DSCAM: variants seen among roughly 807,000 people sequenced by gnomAD.
DSCAM encodes DS cell adhesion molecule, also known as cell adhesion molecule DSCAM.
Under a neutral mutation model 217.7 loss-of-function variants are expected in DSCAM, and 47 were observed. The observed-to-expected ratio is 0.22, with a 90% CI of 0.17 to 0.28. The LOEUF is 0.28. Among genes scored for constraint, DSCAM ranks in the 10% least tolerant of loss-of-function variants. The pLI is 1.00. For missense variants in DSCAM, 2,080 were observed against 2,618.3 expected, an observed-to-expected ratio of 0.79 and a Z score of 4.49; for synonymous variants, 1,056 against 1,015.3, an observed-to-expected ratio of 1.04 and a Z score of -0.76.
chr21:40,479,918 A>C (rs1396530370), intron 3 of DSCAM, among the ~76,000 whole-genome samples: 2 of 152,126 alleles, frequency 1.3e-5, no homozygotes, highest in Non-Finnish European at 2.9e-5. Context: ...GCATGTACGC[A>C]CACACAAACT....
rs531086926 is a variant in DSCAM at position 40,734,782 on chromosome 21, A to ATTACAACATTGT, written c.44-26012_44-26011insACAATGTTGTAA. Among the ~76,000 whole-genome samples the ATTACAACATTGT allele has an allele frequency of 7.9e-5, 12 of 152,288 alleles. No individual in the cohort carries two copies. The East Asian group carries it at 1.9e-3, about 25-fold the overall frequency. ...TTTTTCCTTCTAATGTTGTATGAAA[A>ATTACAACATTGT]TGTAGACTCTGAGGGTTGTTTTCCT... On this transcript the variant is annotated intron_variant, in intron 1 of 32. Coordinates refer to ENST00000400454, the MANE Select transcript of DSCAM (RefSeq NM_001389.5).
chr21:40,090,039 T>G (rs558939229), intron 21 of DSCAM, among the ~76,000 whole-genome samples: 20 of 152,130 alleles, frequency 1.3e-4, no homozygotes, highest in Admixed American at 9.8e-4. Context: ...TTCTCACACT[T>G]CTGGGCTTCC....
chr21:40,190,941 A>G (rs575805583), intron 11 of DSCAM, among the ~76,000 whole-genome samples: 2 of 152,368 alleles, frequency 1.3e-5, no homozygotes, highest in South Asian at 2.1e-4. Flanking sequence ...AGATGTTAAC[A>G]AAAAGGACTA....
At chr21:40,802,597 G>A (rs2091751809) in intron 1 of DSCAM, among the ~76,000 whole-genome samples, 1 of 152,140 alleles carries the variant, frequency 6.6e-6, no homozygotes, top group Non-Finnish European at 1.5e-5. Context: ...TGGTCATGAG[G>A]GCATAGCCCT....
At chr21:40,661,766 G>T (rs1051944712) in intron 3 of DSCAM, among the ~76,000 whole-genome samples, 1 of 152,142 alleles carries the variant, frequency 6.6e-6, no homozygotes, top group Non-Finnish European at 1.5e-5. Flanking sequence ...TCTTTTGTAA[G>T]CAGGATGTCT....
intron 9 of DSCAM, among the ~76,000 whole-genome samples, chr21:40,307,590 C>T (rs1371761785): frequency 6.6e-6 from 1 of 152,096 alleles, no homozygotes; most frequent in Non-Finnish European, 1.5e-5. Flanking sequence ...TGGGTATATA[C>T]CCAAAGGACT....
intron 1 of DSCAM, among the ~76,000 whole-genome samples, chr21:40,773,032 C>T (rs985986121): frequency 2.6e-5 from 4 of 152,222 alleles, no homozygotes; most frequent in African/African-American, 9.6e-5. Context: ...CATATCCCTG[C>T]AGGGCGCTCT....
At chr21:40,616,802 G>C (rs2089400805) in intron 3 of DSCAM, among the ~76,000 whole-genome samples, 1 of 152,012 alleles carries the variant, frequency 6.6e-6, no homozygotes, top group African/African-American at 2.4e-5. Flanking sequence ...CGGATCACGA[G>C]GTCAGGAGAT....
At chr21:40,266,657 ATATATATATATAT>A (rs1569031961) in intron 11 of DSCAM, among the ~76,000 whole-genome samples, 22 of 124,628 alleles carry the variant, frequency 1.8e-4, no homozygotes, top group African/African-American at 6.7e-4. Context: ...ATATATATAT[ATATATATATATAT>A]AATCTTGAAA....
Position 40,518,525 on chromosome 21 carries a change from A to T in DSCAM, c.509-149280T>A, listed in dbSNP as rs1463151277. Among the ~76,000 whole-genome samples, 10 of 47,258 alleles carry T rather than the reference A, an allele frequency of 2.1e-4. 1 individual carries two copies. The highest frequency in any genetic ancestry group is 8.6e-4 in the Admixed American group (2 of 2,314). 31.0% of individuals were successfully genotyped at this position (47,258 alleles called of 152,430 possible). ...TATATATATAATATATATAATATATATTTTATATATATATATGTACACACA... is the reference window on the plus strand; with the variant it reads ...TATATATATAATATATATAATATATTTTTTATATATATATATGTACACACA... On this transcript the variant is annotated intron_variant, in intron 3 of 32. Transcript: ENST00000400454.
intron 3 of DSCAM, among the ~76,000 whole-genome samples, chr21:40,614,700 A>G (rs898699277): frequency 1.3e-5 from 2 of 152,226 alleles, no homozygotes; most frequent in Non-Finnish European, 2.9e-5. Context: ...TATGTCCAGT[A>G]ACGGAAGTGC....
intron 4 of DSCAM, among the ~76,000 whole-genome samples, chr21:40,357,333 C>T (rs2074704547): frequency 1.3e-5 from 2 of 152,168 alleles, no homozygotes; most frequent in Non-Finnish European, 2.9e-5. Flanking sequence ...AATGATGTCT[C>T]ACTGATCTCT....
intron 2 of DSCAM, among the ~76,000 whole-genome samples, chr21:40,705,749 T>C (rs2090708184): frequency 6.6e-6 from 1 of 152,192 alleles, no homozygotes; most frequent in Admixed American, 6.5e-5. Context: ...GGATTATCAT[T>C]CAAGATGAGA....
rs2073953060 is a variant in DSCAM, at chr21:40,296,293, A to G, written c.2063-119T>C. 1.7e-5 allele frequency: 20 copies of G among 1,202,338 alleles called. No homozygotes were observed. In the South Asian group the frequency reaches 2.4e-4, roughly 15 times the overall value. 74.5% of individuals were successfully genotyped at this position (1,202,338 alleles called of 1,614,324 possible). On this transcript the variant is annotated intron_variant, in intron 9 of 32. Transcript: ENST00000400454. ...AAAATATGAAGACTGTTTCATACAC[A>G]TGGGACAATAAAAACACTATTGGCA...
chr21:40,281,181 C>A (rs138181404), intron 10 of DSCAM, among the ~76,000 whole-genome samples: 2 of 152,148 alleles, frequency 1.3e-5, no homozygotes, highest in Admixed American at 6.5e-5. Flanking sequence ...AGATTCCTAA[C>A]GTGTAAAATT....
Position 40,651,760 on chromosome 21 carries a change from T to C in DSCAM, c.508+41050A>G, listed in dbSNP as rs542180071. On this transcript the variant is annotated intron_variant, in intron 3 of 32. Coordinates refer to ENST00000400454, the MANE Select transcript of DSCAM (RefSeq NM_001389.5). Reference sequence around the variant, plus strand: ...AAGAAATATCTTGGTTTTGTTCTGATGGATATATACTCAGTTTTAGGGAAT... The same window carrying C: ...AAGAAATATCTTGGTTTTGTTCTGACGGATATATACTCAGTTTTAGGGAAT... Among the ~76,000 whole-genome samples, 20 of 152,344 alleles carry C rather than the reference T, an allele frequency of 1.3e-4. 1 individual carries two copies. The East Asian group carries it at 3.7e-3, about 28-fold the overall frequency.
intron 18 of DSCAM, among the ~76,000 whole-genome samples, chr21:40,138,716 GGTGT>G (rs1191680506): frequency 6.7e-6 from 1 of 148,534 alleles, no homozygotes; most frequent in Non-Finnish European, 1.5e-5. Flanking sequence ...TGGTGTGTGT[GGTGT>G]GTATGTATGT....
At chr21:40,142,801 G>T in intron 17 of DSCAM, 97 bp from the exon 18 acceptor site, 1 of 1,360,858 alleles carries the variant, frequency 7.3e-7, no homozygotes. Context: ...CAATATGCAA[G>T]CAAAAAATTG....
At chr21:40,552,534 T>G (rs1207136691) in intron 3 of DSCAM, among the ~76,000 whole-genome samples, 1 of 152,214 alleles carries the variant, frequency 6.6e-6, no homozygotes, top group African/African-American at 2.4e-5. Flanking sequence ...TGTGCCACAC[T>G]CACTGTCCTG....
Sources: allele counts gnomAD v4.1 joint callset (sites outside exome capture counted in the v4.1 genomes callset), GRCh38; gene constraint gnomAD v4.1.1; transcripts MANE v1.5; gene names NCBI Gene and HGNC (gene_info 2026-07-23, HGNC 2026-07-21).